Variants in LZIC observed in about 807,000 individuals in gnomAD.
LZIC encodes the protein leucine zipper and CTNNBIP1 domain containing.
LZIC carries 28 observed loss-of-function variants against 25.4 expected under a neutral mutation model. That is an observed-to-expected ratio of 1.10 (90% CI 0.82 to 1.51). The LOEUF (loss-of-function observed/expected upper bound fraction) is 1.51. Ranked by LOEUF, LZIC falls within the 40% of genes most tolerant of loss-of-function variation. The pLI, the probability that LZIC is intolerant of heterozygous loss-of-function variation, is 0.00. For synonymous variants in LZIC, 65 were observed against 70.7 expected (o/e 0.92, Z 0.40); for missense variants, 170 against 211.1 (o/e 0.81, Z 1.21).
rs1640110408 is a variant in LZIC at position 9,929,137 on chromosome 1, T to A, written c.*1262A>T. ...TGGTTGCACACCACTGTAAATGTTC[T>A]GCCAACGAATGGTACACTTTAAAAT... On this transcript the variant is annotated 3_prime_UTR_variant, in exon 8 of 8. Transcript: ENST00000377223. 1 of 218,406 alleles carries A rather than the reference T, an allele frequency of 4.6e-6. No individual in the cohort carries two copies. The highest frequency in any genetic ancestry group is 1.7e-4 in the South Asian group (1 of 6,014). 13.5% of individuals were successfully genotyped at this position (218,406 alleles called of 1,614,324 possible).
At chr1:9,931,824 C>G (rs1482035665) in intron 7 of LZIC, 67 bp downstream of exon 7, 2 of 1,010,054 alleles carry the variant, frequency 2.0e-6, no homozygotes, top group African/African-American at 1.6e-5. Flanking sequence ...ACCACACTCT[C>G]CATCAGTTTG....
intron 2 of LZIC, among the ~76,000 whole-genome samples, chr1:9,939,140 C>T (rs1012545641): frequency 6.6e-6 from 1 of 151,926 alleles, no homozygotes; most frequent in African/African-American, 2.4e-5. Flanking sequence ...TGCGGTGGCA[C>T]GATTTCGGCT....
intron 2 of LZIC, among the ~76,000 whole-genome samples, chr1:9,937,598 A>G (rs925720553): frequency 3.3e-5 from 5 of 151,214 alleles, no homozygotes; most frequent in Admixed American, 6.6e-5. Flanking sequence ...TGTAATCTCA[A>G]CACTTTGGGA....
Position 9,929,674 on chromosome 1 carries a change from G to A in LZIC, c.*725C>T, listed in dbSNP as rs190391923. On this transcript the variant is annotated 3_prime_UTR_variant, in exon 8 of 8. Coordinates refer to ENST00000377223, the MANE Select transcript of LZIC (RefSeq NM_032368.5). The stretch of plus-strand genomic sequence containing the variant: ...CAACCTCAAAATTCCGAGATACAAC[G>A]GGCCCCATTAATACAGACAGCTTAC... 2.3e-4 allele frequency: 227 copies of A among 985,392 alleles called. 1 individual carries two copies. The African/African-American group carries it at 3.4e-3, about 15-fold the overall frequency. The allele number at this position is 985,392 out of a possible 1,614,324, so 61.0% of individuals were successfully genotyped here.
chr1:9,936,023 G>A (rs544303515), intron 3 of LZIC, among the ~76,000 whole-genome samples: 2 of 152,040 alleles, frequency 1.3e-5, no homozygotes, highest in Admixed American at 1.3e-4. Context: ...CAGCTACTCG[G>A]GAGGCTGAGG....
At position 9,943,232 on chromosome 1, in the gene LZIC, A is replaced by C; in HGVS notation, c.-168+17T>G. ...TAGCCGTAAACCCATGGTCCCCGAA[A>C]CTCCTTCCGGGCCTACCTGACAAAA... On this transcript the variant is annotated intron_variant, in intron 1 of 7. Transcript: ENST00000377223. The C allele has an allele frequency of 1.3e-5, 2 of 158,332 alleles. No individual in the cohort carries two copies. The highest frequency in any genetic ancestry group is 2.8e-5 in the Non-Finnish European group (2 of 71,048). The allele number at this position is 158,332 out of a possible 1,614,324, so 9.8% of individuals were successfully genotyped here. A position where few individuals can be genotyped will look rare whatever the true frequency, so the allele number is the denominator to read the frequency against.
intron 1 of LZIC, chr1:9,942,991 TG>T (rs1557449625): frequency 2.9e-6 from 1 of 344,674 alleles, no homozygotes; most frequent in East Asian, 7.4e-5. Context: ...GGACACGCCT[TG>T]AGGGATGGCG....
chr1:9,930,932 T>C (rs1332488760), intron 7 of LZIC, among the ~76,000 whole-genome samples: 1 of 152,068 alleles, frequency 6.6e-6, no homozygotes, highest in Non-Finnish European at 1.5e-5. Flanking sequence ...TTGGCCGGGC[T>C]GGTCTCGAAC....
downstream of LZIC, among the ~76,000 whole-genome samples, chr1:9,922,767 CATTTTA>C (rs1639893474): frequency 6.6e-6 from 1 of 152,222 alleles, no homozygotes; most frequent in Non-Finnish European, 1.5e-5. Flanking sequence ...ACACTTAGGA[CATTTTA>C]AAACAGCTTT....
At position 9,932,453 on chromosome 1, in the gene LZIC, C is replaced by T. The variant is rs371138280; in HGVS notation, c.432+350G>A. On this transcript the variant is annotated intron_variant, in intron 6 of 7. Transcript: ENST00000377223. ...ATCCCAACACTTTGGGAGGCTGTGG[C>T]GGGCGGATCACCTGAGGTCAGGAGT... Among the ~76,000 whole-genome samples, 98 of 150,880 alleles carry T rather than the reference C, an allele frequency of 6.5e-4. 1 individual carries two copies. Among genetic ancestry groups the T allele is most frequent in the African/African-American group, 2.2e-3 (92 of 41,164 alleles).
At position 9,942,616 on chromosome 1, in the gene LZIC, A is replaced by C. The variant is rs1640812000; in HGVS notation, c.-9+8T>G. 9 of 1,265,978 alleles carry C rather than the reference A, an allele frequency of 7.1e-6. No homozygotes were observed. The highest frequency in any genetic ancestry group is 8.3e-6 in the Non-Finnish European group (8 of 969,176). 78.4% of individuals were successfully genotyped at this position (1,265,978 alleles called of 1,614,324 possible). ...TATCTGGAGCGGAGGGTCCTCATTC[A>C]TGCTCACCTGTCTCTTAGTACTCTG... is the stretch of plus-strand genomic sequence containing the variant. On this transcript the variant is annotated splice_region_variant and intron_variant, in intron 2 of 7. Transcript: ENST00000377223.
In LZIC at chr1:9,927,887, C is replaced by T. The variant is rs539697914; in HGVS notation, c.*2512G>A. ...ATGGAGTTTCACTGTGTTGGCCAGG[C>T]TGGTCTTGAGCTCCTGATCTTGTGA... is the stretch of plus-strand genomic sequence containing the variant. On this transcript the variant is annotated 3_prime_UTR_variant, in exon 8 of 8. Coordinates refer to ENST00000377223, the MANE Select transcript of LZIC (RefSeq NM_032368.5). Among the ~76,000 whole-genome samples, 3 of 151,814 alleles carry T rather than the reference C, an allele frequency of 2.0e-5. No individual in the cohort carries two copies. Among genetic ancestry groups the T allele is most frequent in the African/African-American group, 4.8e-5 (2 of 41,440 alleles).
chr1:9,936,460 G>C, intron 3 of LZIC, 59 bp downstream of exon 3: 1 of 1,056,188 alleles, frequency 9.5e-7, no homozygotes, highest in Non-Finnish European at 1.5e-6. Context: ...TGCATCCACG[G>C]AGCTAGCTGC....
At chr1:9,933,277 A>T (rs71509063) in intron 5 of LZIC, among the ~76,000 whole-genome samples, 139 of 128,260 alleles carry the variant, frequency 1.1e-3, no homozygotes, top group East Asian at 2.9e-3. Context: ...AAAAAAAAAA[A>T]AAAAAAATAT....
intron 7 of LZIC, among the ~76,000 whole-genome samples, chr1:9,930,700 T>C (rs1460916168): frequency 2.0e-5 from 3 of 151,358 alleles, no homozygotes; most frequent in Non-Finnish European, 4.4e-5. Flanking sequence ...TGAAATATAA[T>C]ATGTAAAATT....
At chr1:9,942,537 A>C (rs1640805154) in intron 2 of LZIC, 87 bp downstream of exon 2, 2 of 513,038 alleles carry the variant, frequency 3.9e-6, no homozygotes, top group Admixed American at 6.9e-5. Flanking sequence ...GTAGTCACTA[A>C]ATGTGGTGCA....
chr1:9,934,194 C>G (rs1343357350), intron 5 of LZIC, among the ~76,000 whole-genome samples: 1 of 151,238 alleles, frequency 6.6e-6, no homozygotes, highest in Non-Finnish European at 1.5e-5. Flanking sequence ...CGCCACTGCC[C>G]TCCAGCCTGG....
Position 9,931,927 on chromosome 1 carries a change from T to C in LZIC, c.478A>G (p.Ile160Val). The C allele has an allele frequency of 6.2e-7, 1 of 1,613,952 alleles. No individual in the cohort carries two copies. The highest frequency in any genetic ancestry group is 2.2e-5 in the East Asian group (1 of 44,878). ...GAGACTTTCTCAAACTGGCTGAGTA[T>C]AGCACCTGCATTTGCTGACAAGAAG... Reference protein sequence around the residue: ...EAFLSANAGAILSQFEKVSTD... With the variant: ...EAFLSANAGAVLSQFEKVSTD... Residue 160 changes from isoleucine (I) to valine (V), a missense_variant, in exon 7 of 8, where the codon ATA becomes GTA. Ile to Val is a conservative substitution (Grantham distance 29). Transcript: ENST00000377223.
intron 5 of LZIC, among the ~76,000 whole-genome samples, chr1:9,933,301 T>TATAC (rs1182876797): frequency 4.9e-4 from 64 of 129,418 alleles, no homozygotes; most frequent in African/African-American, 1.8e-3. Flanking sequence ...TATATATATA[T>TATAC]ACACATACAT....
Sources: allele counts gnomAD v4.1 joint callset (sites outside exome capture counted in the v4.1 genomes callset), GRCh38; gene constraint gnomAD v4.1.1; transcripts MANE v1.5; gene names NCBI Gene and HGNC (gene_info 2026-07-23, HGNC 2026-07-21).